QSER1: variants seen among roughly 807,000 people sequenced by gnomAD.
QSER1 encodes the protein glutamine and serine-rich protein 1.
In QSER1, 49 loss-of-function variants were observed where a neutral mutation model predicts 158.5. The ratio of observed to expected loss-of-function variants is 0.31; its 90% CI spans 0.25 to 0.39. The LOEUF (loss-of-function observed/expected upper bound fraction) is 0.39, where lower values mean the gene tolerates loss of function less well. QSER1 is among the 10% of genes least tolerant of loss of function. The pLI is 1.00. For missense variants in QSER1, 1,754 were observed against 2,010.3 expected, an observed-to-expected ratio of 0.87 and a Z score of 2.44; for synonymous variants, 650 against 715.5, an observed-to-expected ratio of 0.91 and a Z score of 1.46.
At position 32,928,119 on chromosome 11, in the gene QSER1, G is replaced by T. The variant is rs745833150; in HGVS notation, c.480G>T (p.Gln160His). 2 of 1,601,602 alleles carry T rather than the reference G, an allele frequency of 1.2e-6. No homozygotes were observed. Among genetic ancestry groups the T allele is most frequent in the Non-Finnish European group, 1.7e-6 (2 of 1,168,808 alleles). ...CACAATTCAGGGCTCCATCCTGGCA[G>T]ACAGGTGATTTTCTGTTTCTAGAAT... Reference protein sequence around the residue: ...LLPQFRAPSWQTGMHSSAATE... With the variant: ...LLPQFRAPSWHTGMHSSAATE... The change falls in exon 3 of 13, where the codon CAG becomes CAT. Residue 160 changes from glutamine (Q) to histidine (H), a missense_variant. By Grantham distance (24) the Gln-to-His change is conservative. This residue lies in a region of QSER1 where 1,707 missense variants were observed against 1,919.6 expected (regional missense o/e 0.89). Coordinates refer to ENST00000650167, the MANE Select transcript of QSER1 (RefSeq NM_001076786.3).
At chr11:32,904,601 CTTTT>C (rs61491135) in intron 1 of QSER1, among the ~76,000 whole-genome samples, 3 of 114,382 alleles carry the variant, frequency 2.6e-5, no homozygotes, top group South Asian at 2.8e-4. Flanking sequence ...CATATCCACT[CTTTT>C]TTTTTTTTTT....
At position 32,976,681 on chromosome 11, in the gene QSER1, T is replaced by G; in HGVS notation, c.*207T>G. 2.0e-6 allele frequency: 1 copy of G among 492,692 alleles called. No homozygotes were observed. Among genetic ancestry groups the G allele is most frequent in the East Asian group, 3.9e-5 (1 of 25,850 alleles). The allele number at this position is 492,692 out of a possible 1,614,324, so 30.5% of individuals were successfully genotyped here. On this transcript the variant is annotated 3_prime_UTR_variant, in exon 13 of 13. Coordinates refer to ENST00000650167, the MANE Select transcript of QSER1 (RefSeq NM_001076786.3). ...GAAATGGACCTAAATCCCACCACAT[T>G]TTTACCCTAATGAATGATTTTTCTA...
intron 4 of QSER1, among the ~76,000 whole-genome samples, chr11:32,944,995 CTTCT>C (rs1284051430): frequency 7.1e-6 from 1 of 140,382 alleles, no homozygotes; most frequent in African/African-American, 2.7e-5. Flanking sequence ...ACGTAATGGC[CTTCT>C]TTGTCTCTTT....
rs114592726 is a variant in QSER1 at position 32,962,754 on chromosome 11, A to C, written c.4970-3546A>C. Among the ~76,000 whole-genome samples the C allele has an allele frequency of 3.4e-3, 521 of 152,314 alleles. 5 individuals carry two copies. Among genetic ancestry groups the C allele is most frequent in the African/African-American group, 0.012 (488 of 41,564 alleles). On this transcript the variant is annotated intron_variant, in intron 8 of 12. Coordinates refer to ENST00000650167, the MANE Select transcript of QSER1 (RefSeq NM_001076786.3). ...TGGGAAGCTCAGACTCACAGTGGGGATAGAAGATGTCCAGAACTCTAATTT... is the reference window on the plus strand; with the variant it reads ...TGGGAAGCTCAGACTCACAGTGGGGCTAGAAGATGTCCAGAACTCTAATTT...
At position 32,934,903 on chromosome 11, in the gene QSER1, C is replaced by T; in HGVS notation, c.3645C>T (p.Asp1215=). The T allele has an allele frequency of 3.7e-6, 6 of 1,613,694 alleles. No individual in the cohort carries two copies. The highest frequency in any genetic ancestry group is 4.2e-6 in the Non-Finnish European group (5 of 1,179,922). Residue 1215 remains aspartate (D), a synonymous_variant, in exon 4 of 13, where the codon GAC becomes GAT. Coordinates refer to ENST00000650167, the MANE Select transcript of QSER1 (RefSeq NM_001076786.3). ...AKGKGQVKEE[D]NSNQKQLKRP... Reference sequence around the variant, plus strand: ...GAAAAGGGCAAGTTAAAGAGGAAGACAACAGTAATCAGAAACAGCTGAAAA... The same window carrying T: ...GAAAAGGGCAAGTTAAAGAGGAAGATAACAGTAATCAGAAACAGCTGAAAA...
chr11:32,927,824 T>C (rs1210045732), intron 2 of QSER1, 138 bp from the exon 3 acceptor site: 1 of 389,644 alleles, frequency 2.6e-6, no homozygotes, highest in Non-Finnish European at 4.5e-6. Flanking sequence ...ATATGTTTAC[T>C]ATCAAAATAA....
At position 32,935,319 on chromosome 11, in the gene QSER1, ATTTATC is replaced by A. The variant is rs1211931624; in HGVS notation, c.4064_4069del (p.Leu1355_Ser1356del). On this transcript the variant is annotated inframe_deletion, in exon 4 of 13. Transcript: ENST00000650167. ...GATAATGAACTTAAAAACTTGGAAC[ATTTATC>A]TTCATTTTCTTCTGATGAAGATGAT... 1 of 1,613,748 alleles carries A rather than the reference ATTTATC, an allele frequency of 6.2e-7. No homozygotes were observed. Among genetic ancestry groups the A allele is most frequent in the South Asian group, 1.1e-5 (1 of 91,036 alleles).
Position 32,934,859 on chromosome 11 carries a change from CAAAAG to C in QSER1, c.3608_3612del (p.Lys1203SerfsTer2). ...CCAAGATTTAATGCATTTTAACCTT[CAAAAG>C]AAAAGAGCTAAAGGAAAAGGGCAAG... On this transcript the variant is annotated frameshift_variant, in exon 4 of 13. Coordinates refer to ENST00000650167, the MANE Select transcript of QSER1 (RefSeq NM_001076786.3). LOFTEE classifies it high-confidence loss of function. 6.2e-7 allele frequency: 1 copy of C among 1,613,794 alleles called. No individual in the cohort carries two copies. Among genetic ancestry groups the C allele is most frequent in the Non-Finnish European group, 8.5e-7 (1 of 1,179,964 alleles).
intron 4 of QSER1, among the ~76,000 whole-genome samples, chr11:32,943,150 T>A (rs1367466996): frequency 6.6e-6 from 1 of 152,122 alleles, no homozygotes; most frequent in Non-Finnish European, 1.5e-5. Flanking sequence ...CAATGGGGTT[T>A]TCTAGATATA....
Position 32,956,021 on chromosome 11 carries a change from T to C in QSER1, c.4651T>C (p.Tyr1551His), listed in dbSNP as rs773816093. ...ATATTTTGGAGATGCAAAGAGTAAA[T>C]ACAAAAGAATATATGTGAAGTTCAT... Reference protein sequence around the residue: ...LGYFGDAKSKYKRIYVKFIEN... With the variant: ...LGYFGDAKSKHKRIYVKFIEN... Residue 1551 changes from tyrosine to histidine, a missense_variant, in exon 7 of 13, where the codon TAC becomes CAC. Around this residue, in one of 2 missense-constraint regions of QSER1, gnomAD observed 1,707 missense variants for 1,919.6 expected, o/e 0.89. Coordinates refer to ENST00000650167, the MANE Select transcript of QSER1 (RefSeq NM_001076786.3). 9.9e-6 allele frequency: 16 copies of C among 1,608,040 alleles called. No individual in the cohort carries two copies. Among genetic ancestry groups the C allele is most frequent in the African/African-American group, 1.3e-5 (1 of 74,770 alleles).
intron 4 of QSER1, among the ~76,000 whole-genome samples, chr11:32,943,482 T>C (rs1318937594): frequency 6.6e-6 from 1 of 151,784 alleles, no homozygotes; most frequent in Non-Finnish European, 1.5e-5. Context: ...TCTGCATCTA[T>C]TGAGATAATC....
chr11:32,972,102 C>A (rs2133612015), intron 10 of QSER1, among the ~76,000 whole-genome samples: 1 of 151,504 alleles, frequency 6.6e-6, no homozygotes, highest in African/African-American at 2.4e-5. Flanking sequence ...TTTCAGGGCC[C>A]CAATACCAGG....
chr11:32,896,011 A>G (rs550533951), intron 1 of QSER1, among the ~76,000 whole-genome samples: 3 of 152,364 alleles, frequency 2.0e-5, no homozygotes, highest in African/African-American at 7.2e-5. Flanking sequence ...TGGAAAGTAC[A>G]GGGATAAGGA....
intron 1 of QSER1, among the ~76,000 whole-genome samples, chr11:32,897,331 C>T (rs1466861504): frequency 3.9e-5 from 6 of 152,168 alleles, no homozygotes; most frequent in Non-Finnish European, 8.8e-5. Context: ...CAGTGTACTG[C>T]ACTGCTTTAT....
chr11:32,942,844 A>G (rs1164523945), intron 4 of QSER1, among the ~76,000 whole-genome samples: 3 of 152,028 alleles, frequency 2.0e-5, no homozygotes, highest in East Asian at 1.9e-4. Flanking sequence ...TTTTCACAAT[A>G]TTGATTCTTC....
intron 1 of QSER1, among the ~76,000 whole-genome samples, chr11:32,924,780 C>T (rs1851946513): frequency 6.8e-6 from 1 of 146,408 alleles, no homozygotes; most frequent in African/African-American, 2.4e-5. Flanking sequence ...GGTACATGTG[C>T]AGGTTTGTTA....
intron 1 of QSER1, among the ~76,000 whole-genome samples, chr11:32,898,482 T>TCACACACACACACA (rs71034630): frequency 1.1e-3 from 152 of 143,046 alleles, no homozygotes; most frequent in Non-Finnish European, 2.0e-3. Context: ...TGAGAACCTG[T>TCACACACACACACA]CACACACACA....
rs375345876 is a variant in QSER1 at position 32,896,128 on chromosome 11, G to A, written c.209+2794G>A. On this transcript the variant is annotated intron_variant, in intron 1 of 12. Transcript: ENST00000650167. ...CACCACGCAGTTGGAAATACCTTTT[G>A]GGGTGCAGTTTTGGATGTTGTAAAT... Among the ~76,000 whole-genome samples, 17 of 152,276 alleles carry A rather than the reference G, an allele frequency of 1.1e-4. No homozygotes were observed. In the East Asian group the frequency reaches 1.3e-3, roughly 12 times the overall value.
chr11:32,894,749 G>A (rs150074451), intron 1 of QSER1, among the ~76,000 whole-genome samples: 41 of 152,290 alleles, frequency 2.7e-4, no homozygotes, highest in African/African-American at 8.9e-4. Flanking sequence ...ATAATGTGAT[G>A]TGCCAATTTG....
Sources: allele counts gnomAD v4.1 joint callset (sites outside exome capture counted in the v4.1 genomes callset), GRCh38; gene constraint gnomAD v4.1.1; regional missense constraint gnomAD v4.1.1; transcripts MANE v1.5; gene names NCBI Gene and HGNC (gene_info 2026-07-23, HGNC 2026-07-21).